KCNU1: variants seen among roughly 807,000 people sequenced by gnomAD.
KCNU1 encodes potassium calcium-activated channel subfamily U member 1, also known as potassium channel subfamily U member 1.
In KCNU1, 93 loss-of-function variants were observed where a neutral mutation model predicts 126.8. The observed-to-expected ratio is 0.73, with a 90% CI of 0.62 to 0.87. KCNU1 has a LOEUF of 0.87. KCNU1 is among the 40% of genes least tolerant of loss of function. KCNU1 has a pLI of 0.00. For synonymous variants in KCNU1, 523 were observed against 494.2 expected, an observed-to-expected ratio of 1.06 and a Z score of -0.77; for missense variants, 1,330 against 1,367.1, an observed-to-expected ratio of 0.97 and a Z score of 0.43.
intron 14 of KCNU1, among the ~76,000 whole-genome samples, chr8:36,839,771 G>C (rs1386708307): frequency 6.6e-6 from 1 of 152,166 alleles, no homozygotes. Flanking sequence ...GAACAGTGTG[G>C]TGGTGATTCT....
At chr8:36,864,137 G>T (rs1324558061) in intron 18 of KCNU1, among the ~76,000 whole-genome samples, 1 of 152,074 alleles carries the variant, frequency 6.6e-6, no homozygotes, top group Non-Finnish European at 1.5e-5. Context: ...AAATGGGAGG[G>T]GTGATGGATT....
At chr8:36,786,261 G>GT (rs1053775420) in intron 1 of KCNU1, among the ~76,000 whole-genome samples, 3 of 152,060 alleles carry the variant, frequency 2.0e-5, no homozygotes, top group Non-Finnish European at 4.4e-5. Flanking sequence ...GGACCAATTT[G>GT]TTTTTCCACA....
intron 14 of KCNU1, among the ~76,000 whole-genome samples, chr8:36,839,816 C>A (rs1301172759): frequency 6.6e-6 from 1 of 152,118 alleles, no homozygotes; most frequent in Non-Finnish European, 1.5e-5. Context: ...AGGAGAGGGT[C>A]CTACACAAAC....
chr8:36,894,886 T>A (rs1239298280), intron 19 of KCNU1, among the ~76,000 whole-genome samples: 2 of 152,120 alleles, frequency 1.3e-5, no homozygotes, highest in Non-Finnish European at 2.9e-5. Flanking sequence ...CTTATTGTGT[T>A]ATCCATCAGA....
chr8:36,791,895 T>A (rs945128745), intron 2 of KCNU1, among the ~76,000 whole-genome samples: 1 of 152,180 alleles, frequency 6.6e-6, no homozygotes, highest in Non-Finnish European at 1.5e-5. Context: ...CTTCCTTTCC[T>A]TATTCCATAT....
intron 19 of KCNU1, among the ~76,000 whole-genome samples, chr8:36,891,291 A>G (rs1268137971): frequency 6.6e-6 from 1 of 152,016 alleles, no homozygotes; most frequent in Non-Finnish European, 1.5e-5. Context: ...TCACTAGTAC[A>G]TAACTATTTT....
Position 36,804,050 on chromosome 8 carries a change from C to G in KCNU1, c.339C>G (p.Ser113Arg), listed in dbSNP as rs1412662732. ...QVLVILVFVL[S>R]IGSLIIYFIN... The stretch of plus-strand genomic sequence containing the variant: ...AGGTGATCCTTGTCTTTGTACTAAG[C>G]ATTGGGTCTCTTATAATCTATTTCA... Residue 113 changes from serine (S) to arginine (R), a missense_variant, in exon 3 of 27, where the codon AGC becomes AGG. Transcript: ENST00000399881. The G allele has an allele frequency of 6.4e-7, 1 of 1,559,256 alleles. No homozygotes were observed. The highest frequency in any genetic ancestry group is 8.7e-7 in the Non-Finnish European group (1 of 1,148,858).
intron 25 of KCNU1, 48 bp downstream of exon 25, chr8:36,931,193 T>A: frequency 7.2e-7 from 1 of 1,392,882 alleles, no homozygotes; most frequent in Non-Finnish European, 9.8e-7. Flanking sequence ...TTTACCTCTC[T>A]GAGCTTCTGA....
At chr8:36,935,096 T>C (rs796132895) in intron 26 of KCNU1, among the ~76,000 whole-genome samples, 8 of 152,232 alleles carry the variant, frequency 5.3e-5, no homozygotes, top group African/African-American at 1.9e-4. Context: ...GTGGTCAATA[T>C]TGTGCCAGCT....
rs369960114 is a variant in KCNU1 at position 36,903,935 on chromosome 8, G to T, written c.2010-1773G>T. Reference sequence around the variant, plus strand: ...TCACTATCACCAGACCAGCACGAGGGTAACCATCCCCATTATTCAATTACC... The same window carrying T: ...TCACTATCACCAGACCAGCACGAGGTTAACCATCCCCATTATTCAATTACC... On this transcript the variant is annotated intron_variant, in intron 19 of 26. Transcript: ENST00000399881. 2.3e-4 allele frequency among the ~76,000 whole-genome samples: 35 copies of T among 152,222 alleles called. 1 individual carries two copies. Among genetic ancestry groups the T allele is most frequent in the African/African-American group, 7.7e-4 (32 of 41,542 alleles).
At chr8:36,810,853 G>T (rs999535004) in intron 7 of KCNU1, among the ~76,000 whole-genome samples, 9 of 151,986 alleles carry the variant, frequency 5.9e-5, no homozygotes, top group African/African-American at 2.2e-4. Flanking sequence ...GAAAAGTTAA[G>T]AAAAAATGTC....
At chr8:36,834,640 G>T in intron 11 of KCNU1, 146 bp from the exon 12 acceptor site, 1 of 588,978 alleles carries the variant, frequency 1.7e-6, no homozygotes. Flanking sequence ...CTGATGTAAA[G>T]ACATCCTCAT....
At chr8:36,829,030 C>T (rs1804428314) in intron 10 of KCNU1, among the ~76,000 whole-genome samples, 1 of 152,090 alleles carries the variant, frequency 6.6e-6, no homozygotes, top group Non-Finnish European at 1.5e-5. Flanking sequence ...TGTGGACCTT[C>T]ACCATGTTTA....
At chr8:36,790,094 A>G (rs1802851717) in intron 2 of KCNU1, among the ~76,000 whole-genome samples, 1 of 152,228 alleles carries the variant, frequency 6.6e-6, no homozygotes. Context: ...AAGGCTGAAA[A>G]TAAAGGAACT....
At chr8:36,860,675 G>A (rs1180815324) in intron 18 of KCNU1, among the ~76,000 whole-genome samples, 1 of 152,134 alleles carries the variant, frequency 6.6e-6, no homozygotes, top group Non-Finnish European at 1.5e-5. Context: ...GGAAAGTTGT[G>A]CCCAAATTCC....
At chr8:36,877,440 T>C (rs550464734) in intron 19 of KCNU1, among the ~76,000 whole-genome samples, 1 of 151,810 alleles carries the variant, frequency 6.6e-6, no homozygotes, top group East Asian at 1.9e-4. Flanking sequence ...GTAGCTGAGA[T>C]TACAGGCGCC....
chr8:36,849,809 G>A (rs974485659), intron 18 of KCNU1, among the ~76,000 whole-genome samples: 1 of 152,044 alleles, frequency 6.6e-6, no homozygotes, highest in Non-Finnish European at 1.5e-5. Context: ...ATCTGTTCAA[G>A]TTCCTGCTTT....
chr8:36,837,728 G>T (rs1358547317), intron 14 of KCNU1, among the ~76,000 whole-genome samples: 3 of 152,198 alleles, frequency 2.0e-5, no homozygotes, highest in Admixed American at 2.0e-4. Context: ...ACAAAAGGTG[G>T]TCTTCCAAAT....
chr8:36,809,786 T>A (rs1478997337), intron 7 of KCNU1, among the ~76,000 whole-genome samples: 1 of 152,218 alleles, frequency 6.6e-6, no homozygotes, highest in Non-Finnish European at 1.5e-5. Context: ...TTAGGACTTT[T>A]TTTTCTTTTT....
Sources: allele counts gnomAD v4.1 joint callset (sites outside exome capture counted in the v4.1 genomes callset), GRCh38; gene constraint gnomAD v4.1.1; transcripts MANE v1.5; gene names NCBI Gene and HGNC (gene_info 2026-07-23, HGNC 2026-07-21).